The following PPP6R2 variants were observed in gnomAD, a reference collection of about 807,000 sequenced individuals.
PPP6R2 encodes protein phosphatase 6 regulatory subunit 2, also known as serine/threonine-protein phosphatase 6 regulatory subunit 2.
A neutral mutation model predicts 100.2 loss-of-function variants in PPP6R2; 62 were observed. The ratio of observed to expected loss-of-function variants is 0.62; its 90% CI spans 0.50 to 0.76. The LOEUF (loss-of-function observed/expected upper bound fraction) is 0.76, where lower values mean the gene tolerates loss of function less well. PPP6R2 is among the 30% of genes least tolerant of loss of function. The pLI is 0.00. For synonymous variants in PPP6R2, 525 were observed against 514.7 expected (o/e 1.02, Z -0.27); for missense variants, 1,142 against 1,276.3 (o/e 0.89, Z 1.60).
chr22:50,432,669 C>G (rs190505564), intron 12 of PPP6R2, among the ~76,000 whole-genome samples: 4 of 152,244 alleles, frequency 2.6e-5, no homozygotes, highest in African/African-American at 9.6e-5. Context: ...TCCGTCAGCA[C>G]TCGCACACAG....
chr22:50,346,831 C>G (rs1329919830), intron 1 of PPP6R2, among the ~76,000 whole-genome samples: 1 of 147,040 alleles, frequency 6.8e-6, no homozygotes, highest in Non-Finnish European at 1.5e-5. Context: ...CAGTGCCCCC[C>G]CAGTCAATTA....
chr22:50,354,407 T>C (rs2046002608), intron 1 of PPP6R2, among the ~76,000 whole-genome samples: 1 of 152,264 alleles, frequency 6.6e-6, no homozygotes, highest in South Asian at 2.1e-4. Context: ...ATAAGGAATC[T>C]GAAATGCTCC....
rs1288825471 is a variant in PPP6R2 at position 50,372,039 on chromosome 22, T to C, written c.-128T>C. 6.6e-6 allele frequency: 1 copy of C among 152,162 alleles called. No individual in the cohort carries two copies. The highest frequency in any genetic ancestry group is 1.5e-5 in the Non-Finnish European group (1 of 68,036). 9.4% of individuals were successfully genotyped at this position (152,162 alleles called of 1,614,324 possible). A position where few individuals can be genotyped will look rare whatever the true frequency, so the allele number is the denominator to read the frequency against. On this transcript the variant is annotated 5_prime_UTR_variant, in exon 2 of 24. Transcript: ENST00000612753. ...TTTCAGGTAAAGAGATTATAAATCTTCCACTGAATGAAAAAAATTTTCTTA... is the reference window on the plus strand; with the variant it reads ...TTTCAGGTAAAGAGATTATAAATCTCCCACTGAATGAAAAAAATTTTCTTA...
Position 50,440,820 on chromosome 22 carries a change from A to G in PPP6R2, c.2375-2A>G, listed in dbSNP as rs2065416999. 1 of 1,612,990 alleles carries G rather than the reference A, an allele frequency of 6.2e-7. No individual in the cohort carries two copies. Among genetic ancestry groups the G allele is most frequent in the Non-Finnish European group, 8.5e-7 (1 of 1,179,980 alleles). On this transcript the variant is annotated splice_acceptor_variant, in intron 21 of 23. Coordinates refer to ENST00000612753, the MANE Select transcript of PPP6R2 (RefSeq NM_001242898.2). LOFTEE classifies it high-confidence loss of function. The stretch of plus-strand genomic sequence containing the variant: ...GGACAGCACAGGCCTCCTACTTTGC[A>G]GTCAGCCCGGCTTCTCCATGTGCCT...
chr22:50,413,938 G>A (rs9616995), intron 4 of PPP6R2, among the ~76,000 whole-genome samples: 50,141 of 151,858 alleles, frequency 0.33, 8,854 homozygotes, highest in East Asian at 0.67. Flanking sequence ...TGGATCCGCC[G>A]TCTGAGCAGC....
At chr22:50,402,045 G>C (rs1244377229) in intron 3 of PPP6R2, among the ~76,000 whole-genome samples, 1 of 152,112 alleles carries the variant, frequency 6.6e-6, no homozygotes, top group Non-Finnish European at 1.5e-5. Flanking sequence ...GAACATTGTA[G>C]TTTAAAAGAG....
At chr22:50,437,365 CAG>C (rs1399312724) in intron 15 of PPP6R2, 139 bp from the exon 16 acceptor site, 11 of 677,620 alleles carry the variant, frequency 1.6e-5, no homozygotes, top group Non-Finnish European at 2.9e-5. Context: ...GAGCCCTGAA[CAG>C]AGTTTACTGC....
chr22:50,354,999 A>G (rs2148178615), intron 1 of PPP6R2, among the ~76,000 whole-genome samples: 1 of 150,562 alleles, frequency 6.6e-6, no homozygotes, highest in South Asian at 2.1e-4. Context: ...GCCTGCCACC[A>G]TGCCTGGCTA....
intron 10 of PPP6R2, among the ~76,000 whole-genome samples, chr22:50,427,958 G>C (rs1055813093): frequency 2.6e-5 from 4 of 152,244 alleles, no homozygotes; most frequent in African/African-American, 9.6e-5. Context: ...CTGACCTCGT[G>C]ATCCGCCCAC....
At chr22:50,332,480 T>C in the PPP6R2 span, among the ~76,000 whole-genome samples, 28 of 152,190 alleles carry the variant, frequency 1.8e-4, no homozygotes, top group Non-Finnish European at 1.2e-4. Flanking sequence ...TCCGCCTGTC[T>C]CAGCCTCCCA....
chr22:50,398,328 C>T (rs56718175), intron 3 of PPP6R2, among the ~76,000 whole-genome samples: 16,749 of 151,344 alleles, frequency 0.11, 1,293 homozygotes, highest in East Asian at 0.41. Context: ...TGCATCACCA[C>T]ACCCAGCTAA....
intron 16 of PPP6R2, 31 bp downstream of exon 16, chr22:50,437,634 G>A (rs376040567): frequency 2.5e-5 from 39 of 1,549,010 alleles, no homozygotes; most frequent in Non-Finnish European, 3.3e-5. Flanking sequence ...CTCTGCACGA[G>A]GCGCGGCTCT....
Position 50,423,674 on chromosome 22 carries a change from A to G in PPP6R2, c.1125+60A>G, listed in dbSNP as rs151021859. 1.7e-3 allele frequency: 2,681 copies of G among 1,593,432 alleles called. 61 individuals carry two copies. The East Asian group carries it at 0.041, about 24-fold the overall frequency. The stretch of plus-strand genomic sequence containing the variant: ...TGAGTGTGCCGGGCATGGCCTGTGG[A>G]CTTGTCAGGAGCAGCAGAGCAGGGC... On this transcript the variant is annotated intron_variant, in intron 10 of 23. Transcript: ENST00000612753. The surrounding 1 kb of genome is among the most constrained non-coding windows in gnomAD (Gnocchi z 4.8).
the PPP6R2 span, among the ~76,000 whole-genome samples, chr22:50,332,712 C>T: frequency 6.6e-6 from 1 of 151,772 alleles, no homozygotes; most frequent in Non-Finnish European, 1.5e-5. Flanking sequence ...CAGCCTCCAC[C>T]TCTTGGGTTC....
At chr22:50,438,072 C>T in intron 17 of PPP6R2, 102 bp from the exon 18 acceptor site, 1 of 1,521,366 alleles carries the variant, frequency 6.6e-7, no homozygotes, top group Non-Finnish European at 8.9e-7. Flanking sequence ...CAGCCCGGGG[C>T]TCCCACATCC....
intron 1 of PPP6R2, among the ~76,000 whole-genome samples, chr22:50,369,248 AAAG>A (rs941735827): frequency 3.9e-5 from 6 of 152,020 alleles, no homozygotes; most frequent in Non-Finnish European, 7.4e-5. Flanking sequence ...AAAAAAAAAA[AAAG>A]AAAACACATT....
At chr22:50,342,949 G>A (rs1038227580), upstream of PPP6R2, among the ~76,000 whole-genome samples, 2 of 152,288 alleles carry the variant, frequency 1.3e-5, no homozygotes, top group South Asian at 2.1e-4. Context: ...GGGAGGCCCG[G>A]GAGAACAGGC....
In PPP6R2 at chr22:50,434,979, A is replaced by G; in HGVS notation, c.1414A>G (p.Met472Val). The G allele has an allele frequency of 3.1e-6, 5 of 1,604,990 alleles. No homozygotes were observed. Among genetic ancestry groups the G allele is most frequent in the Non-Finnish European group, 2.5e-6 (3 of 1,177,230 alleles). ...ANDHTQAAGG[M>V]RRGNMGHLTR... ...TGTTGCTTTCAGGGCAGCGGGTGGC[A>G]TGAGACGTGGGAACATGGGCCACCT... The change falls in exon 13 of 24, where the codon ATG becomes GTG. Residue 472 changes from methionine (M) to valine (V), a missense_variant. Transcript: ENST00000612753.
chr22:50,443,704 T>A, intron 22 of PPP6R2, 162 bp from the exon 23 acceptor site: 1 of 1,009,914 alleles, frequency 9.9e-7, no homozygotes, highest in East Asian at 2.6e-5. Flanking sequence ...GCTGCCTAGC[T>A]GGGCACAACC....
Sources: gnomAD v4.1 joint callset for allele counts (sites outside exome capture counted in the v4.1 genomes callset) on GRCh38, gnomAD v4.1.1 for gene constraint, Gnocchi (gnomAD v3.1) non-coding constraint, MANE v1.5 for transcripts, NCBI Gene and HGNC (gene_info 2026-07-23, HGNC 2026-07-21) for gene names.